RIT2: variants seen among roughly 807,000 people sequenced by gnomAD.
RIT2 encodes GTP-binding protein Rit2.
In RIT2, 24 loss-of-function variants were observed where a neutral mutation model predicts 23.7. The ratio of observed to expected loss-of-function variants is 1.01; its 90% CI spans 0.73 to 1.43. The LOEUF is 1.43. Ranked by LOEUF, RIT2 falls within the 40% of genes most tolerant of loss-of-function variation. The pLI is 0.00. For missense variants in RIT2, 236 were observed against 266.9 expected (o/e 0.88, Z 0.81); for synonymous variants, 107 against 91.1 (o/e 1.17, Z -0.99).
intron 4 of RIT2, among the ~76,000 whole-genome samples, chr18:42,913,600 G>A (rs896892400): frequency 7.9e-5 from 12 of 151,788 alleles, no homozygotes; most frequent in African/African-American, 1.9e-4. Flanking sequence ...TATCTTAGGC[G>A]AAATAAGCCA....
rs1908423965 is a variant in RIT2 at position 42,899,657 on chromosome 18, G to A, written c.426+23915C>T. Among the ~76,000 whole-genome samples the A allele has an allele frequency of 2.0e-5, 3 of 151,994 alleles. No individual in the cohort carries two copies. The South Asian group carries it at 6.2e-4, about 32-fold the overall frequency. Reference sequence around the variant, plus strand: ...GAGGTGCATTAAAAGCTCAGCTTTGGGACATTCATTTCCTTCTGAAAATAT... The same window carrying A: ...GAGGTGCATTAAAAGCTCAGCTTTGAGACATTCATTTCCTTCTGAAAATAT... On this transcript the variant is annotated intron_variant, in intron 4 of 4. Transcript: ENST00000326695.
chr18:42,902,204 G>A (rs903814600), intron 4 of RIT2, among the ~76,000 whole-genome samples: 8 of 151,522 alleles, frequency 5.3e-5, no homozygotes, highest in South Asian at 2.1e-4. Context: ...AAGGTATGAC[G>A]CAGATAAACA....
At chr18:42,784,492 G>A (rs555808313) in intron 4 of RIT2, among the ~76,000 whole-genome samples, 1 of 152,072 alleles carries the variant, frequency 6.6e-6, no homozygotes, top group South Asian at 2.1e-4. Context: ...TATAGGTATT[G>A]AATGAGAAGA....
intron 4 of RIT2, among the ~76,000 whole-genome samples, chr18:42,827,120 A>G (rs1463003140): frequency 6.6e-6 from 1 of 152,142 alleles, no homozygotes; most frequent in African/African-American, 2.4e-5. Context: ...GCGTAATGCT[A>G]TTTGTCTATA....
At chr18:43,102,592 G>C (rs1913712762) in intron 1 of RIT2, among the ~76,000 whole-genome samples, 1 of 151,562 alleles carries the variant, frequency 6.6e-6, no homozygotes, top group Admixed American at 6.6e-5. Flanking sequence ...TGTGTACACT[G>C]CTTCTGATTC....
In RIT2 at chr18:42,743,452, A is replaced by T; in HGVS notation, c.*41T>A. The T allele has an allele frequency of 7.2e-7, 1 of 1,379,578 alleles. No individual in the cohort carries two copies. The highest frequency in any genetic ancestry group is 1.2e-5 in the South Asian group (1 of 85,704). 85.5% of individuals were successfully genotyped at this position (1,379,578 alleles called of 1,614,324 possible). A position where few individuals can be genotyped will look rare whatever the true frequency, so the allele number is the denominator to read the frequency against. On this transcript the variant is annotated 3_prime_UTR_variant, in exon 5 of 5. Transcript: ENST00000326695. ...ATGCTACATATGGAATTGTCCAACTAATAAAATTCAGAGAGCGTGAGGAAC... is the reference window on the plus strand; with the variant it reads ...ATGCTACATATGGAATTGTCCAACTTATAAAATTCAGAGAGCGTGAGGAAC...
chr18:43,006,730 T>A (rs1289707193), intron 2 of RIT2, among the ~76,000 whole-genome samples: 2 of 151,448 alleles, frequency 1.3e-5, no homozygotes, highest in African/African-American at 4.8e-5. Context: ...TTCCAAAATA[T>A]TAATAATAGT....
intron 4 of RIT2, among the ~76,000 whole-genome samples, chr18:42,808,385 G>T (rs1568001434): frequency 6.6e-6 from 1 of 152,164 alleles, no homozygotes; most frequent in Non-Finnish European, 1.5e-5. Flanking sequence ...TAGAGGACAT[G>T]TAAAGTCATA....
intron 4 of RIT2, among the ~76,000 whole-genome samples, chr18:42,789,125 G>A (rs1913984242): frequency 6.6e-6 from 1 of 152,118 alleles, no homozygotes; most frequent in Admixed American, 6.5e-5. Context: ...ATGCCCGCTA[G>A]TAGAATTGGG....
At chr18:42,767,884 C>T (rs1010736726) in intron 4 of RIT2, among the ~76,000 whole-genome samples, 1 of 152,024 alleles carries the variant, frequency 6.6e-6, no homozygotes, top group African/African-American at 2.4e-5. Flanking sequence ...TTTCTCTTGC[C>T]ACCACCATGT....
intron 4 of RIT2, among the ~76,000 whole-genome samples, chr18:42,839,797 C>T (rs1366132579): frequency 6.6e-6 from 1 of 152,158 alleles, no homozygotes; most frequent in African/African-American, 2.4e-5. Flanking sequence ...AAATAAAATG[C>T]TGACCCACAA....
intron 4 of RIT2, among the ~76,000 whole-genome samples, chr18:42,894,775 C>T (rs556713030): frequency 6.6e-6 from 1 of 152,316 alleles, no homozygotes; most frequent in South Asian, 2.1e-4. Flanking sequence ...TAGGCAATCA[C>T]ATTGACTGAC....
At chr18:43,063,447 A>G (rs1228794692) in intron 1 of RIT2, among the ~76,000 whole-genome samples, 3 of 152,126 alleles carry the variant, frequency 2.0e-5, no homozygotes, top group African/African-American at 7.2e-5. Flanking sequence ...CATTTGTGTA[A>G]GAACTTATTT....
At chr18:43,021,697 C>T (rs1027726746) in intron 2 of RIT2, among the ~76,000 whole-genome samples, 2 of 152,070 alleles carry the variant, frequency 1.3e-5, no homozygotes, top group Admixed American at 1.3e-4. Context: ...TAAAACGTGC[C>T]TTCTTCCCCT....
At chr18:42,798,742 T>A (rs753423473) in intron 4 of RIT2, among the ~76,000 whole-genome samples, 4 of 152,202 alleles carry the variant, frequency 2.6e-5, no homozygotes, top group Non-Finnish European at 5.9e-5. Context: ...ACATTGCATG[T>A]TGAAAATTGG....
intron 2 of RIT2, among the ~76,000 whole-genome samples, chr18:43,000,826 C>A (rs1911087299): frequency 6.6e-6 from 1 of 151,940 alleles, no homozygotes; most frequent in African/African-American, 2.4e-5. Flanking sequence ...AGCCTTTCTC[C>A]TTTAAAAATT....
intron 2 of RIT2, among the ~76,000 whole-genome samples, chr18:42,992,929 A>G (rs1413535147): frequency 6.6e-6 from 1 of 152,182 alleles, no homozygotes; most frequent in Non-Finnish European, 1.5e-5. Flanking sequence ...TGCTCCCGAC[A>G]TGAAATAAAG....
chr18:42,743,697 A>G lies in RIT2; in HGVS notation c.450T>C (p.Ser150=). 3 of 1,613,112 alleles carry G rather than the reference A, an allele frequency of 1.9e-6. No homozygotes were observed. The highest frequency in any genetic ancestry group is 1.7e-6 in the Non-Finnish European group (2 of 1,179,552). ...AACCACAATTATATTCTTGGGCAAG[A>G]CTCAAGCCTTCTTCTGTAGAAACCT... ...FRQVSTEEGL[S]LAQEYNCGFF... Residue 150 remains serine (S), a synonymous_variant, in exon 5 of 5, where the codon AGT becomes AGC. Transcript: ENST00000326695.
chr18:43,041,023 T>C (rs930598820), intron 1 of RIT2, among the ~76,000 whole-genome samples: 1 of 152,124 alleles, frequency 6.6e-6, no homozygotes, highest in African/African-American at 2.4e-5. Flanking sequence ...AATATATGTA[T>C]AATTATATTT....
Sources: allele counts gnomAD v4.1 joint callset (sites outside exome capture counted in the v4.1 genomes callset), GRCh38; gene constraint gnomAD v4.1.1; transcripts MANE v1.5; gene names NCBI Gene and HGNC (gene_info 2026-07-23, HGNC 2026-07-21).